Variants in ACIN1 observed in about 807,000 individuals in gnomAD.
The protein encoded by ACIN1 is apoptotic chromatin condensation inducer 1, also known as apoptotic chromatin condensation inducer in the nucleus.
A neutral mutation model predicts 146.6 loss-of-function variants in ACIN1; 16 were observed. The ratio of observed to expected loss-of-function variants is 0.11; its 90% CI spans 0.07 to 0.17. The LOEUF is 0.17. Among genes scored for constraint, ACIN1 ranks in the 10% least tolerant of loss-of-function variants. The probability of loss-of-function intolerance (pLI) is 1.00; values close to 1 mark genes in which losing one functional copy is unlikely to be tolerated. For missense variants in ACIN1, 1,357 were observed against 1,609.3 expected, an observed-to-expected ratio of 0.84 and a Z score of 2.68; for synonymous variants, 569 against 582.7, an observed-to-expected ratio of 0.98 and a Z score of 0.34.
At chr14:23,071,212 CA>C in intron 8 of ACIN1, 1 of 1,513,650 alleles carries the variant, frequency 6.6e-7, no homozygotes. Context: ...TAACAAAAAC[CA>C]AACAAAAAAA....
intron 4 of ACIN1, among the ~76,000 whole-genome samples, chr14:23,089,327 T>C (rs372046477): frequency 7.9e-5 from 12 of 152,362 alleles, no homozygotes; most frequent in East Asian, 5.8e-4. Flanking sequence ...GTGCTGGGAT[T>C]AGAGGCGTGA....
At chr14:23,085,198 G>T (rs986928514) in intron 4 of ACIN1, among the ~76,000 whole-genome samples, 4 of 152,098 alleles carry the variant, frequency 2.6e-5, no homozygotes, top group Admixed American at 2.0e-4. Context: ...AGTCGGGTGT[G>T]GGGGCGGGTG....
At chr14:23,065,295 C>T (rs1313477361) in intron 10 of ACIN1, among the ~76,000 whole-genome samples, 4 of 152,130 alleles carry the variant, frequency 2.6e-5, no homozygotes, top group Non-Finnish European at 4.4e-5. Flanking sequence ...CTTAGAATAA[C>T]GCATAAACAA....
At position 23,079,076 on chromosome 14, in the gene ACIN1, G is replaced by T. The variant is rs146896987; in HGVS notation, c.1789-38C>A. 2.2e-4 allele frequency: 353 copies of T among 1,573,494 alleles called. No individual in the cohort carries two copies. In the African/African-American group the frequency reaches 3.8e-3, roughly 17 times the overall value. ...GAAACACATAACAAGGAAAATTATTGTATATGGTATATATTCAGTAGATTG... is the reference window on the plus strand; with the variant it reads ...GAAACACATAACAAGGAAAATTATTTTATATGGTATATATTCAGTAGATTG... On this transcript the variant is annotated intron_variant, in intron 6 of 18. Transcript: ENST00000605057.
chr14:23,081,594 C>T (rs1289455474), intron 5 of ACIN1, among the ~76,000 whole-genome samples, 154 bp downstream of exon 5: 1 of 152,092 alleles, frequency 6.6e-6, no homozygotes, highest in Non-Finnish European at 1.5e-5. Flanking sequence ...TGTGCCACTG[C>T]ACTCCAGCCT....
At position 23,059,055 on chromosome 14, in the gene ACIN1, G is replaced by A. The variant is rs1594732489; in HGVS notation, c.*93C>T. Reference sequence around the variant, plus strand: ...GGGATAGGTGATGTGAAAGACCCTTGGCTCCAGGGTGGTGGAGACTGTGCC... The same window carrying A: ...GGGATAGGTGATGTGAAAGACCCTTAGCTCCAGGGTGGTGGAGACTGTGCC... On this transcript the variant is annotated 3_prime_UTR_variant, in exon 19 of 19. Transcript: ENST00000605057. 3.2e-6 allele frequency: 4 copies of A among 1,234,184 alleles called. No individual in the cohort carries two copies. Among genetic ancestry groups the A allele is most frequent in the African/African-American group, 3.0e-5 (2 of 66,720 alleles). The allele number at this position is 1,234,184 out of a possible 1,614,324, so 76.5% of individuals were successfully genotyped here.
rs775161627 is a variant in ACIN1, at chr14:23,079,995, T to A, written c.1340A>T (p.Gln447Leu). 6.2e-7 allele frequency: 1 copy of A among 1,614,178 alleles called. No individual in the cohort carries two copies. Among genetic ancestry groups the A allele is most frequent in the East Asian group, 2.2e-5 (1 of 44,882 alleles). Residue 447 changes from glutamine to leucine, a missense_variant, in exon 6 of 19, where the codon CAG becomes CTG. Transcript: ENST00000605057. Reference sequence around the variant, plus strand: ...TGAGTAGTCAGCCAGTGTGCTTTTCTGAACCAGAGGCAGGACACTCTCCTC... The same window carrying A: ...TGAGTAGTCAGCCAGTGTGCTTTTCAGAACCAGAGGCAGGACACTCTCCTC... ...VPEESVLPLV[Q>L]KSTLADYSAQ...
intron 5 of ACIN1, 144 bp downstream of exon 5, chr14:23,081,604 T>C: frequency 1.5e-6 from 1 of 664,552 alleles, no homozygotes; most frequent in South Asian, 2.0e-5. Flanking sequence ...CACTCCAGCC[T>C]AGGCGACAGA....
rs552783149 is a variant in ACIN1, at chr14:23,084,243, G to T, written c.437-2407C>A. Reference sequence around the variant, plus strand: ...ATTACAGGTGTAAGCCACCATGCCCGGCCTTCTCTATTTCTATATCCTTAC... The same window carrying T: ...ATTACAGGTGTAAGCCACCATGCCCTGCCTTCTCTATTTCTATATCCTTAC... On this transcript the variant is annotated intron_variant, in intron 4 of 18. Coordinates refer to ENST00000605057, the MANE Select transcript of ACIN1 (RefSeq NM_001386863.1). Among the ~76,000 whole-genome samples the T allele has an allele frequency of 2.0e-5, 3 of 152,160 alleles. No homozygotes were observed. The South Asian group carries it at 6.2e-4, about 32-fold the overall frequency.
In ACIN1 at chr14:23,079,089, A is replaced by G. The variant is rs781455510; in HGVS notation, c.1789-51T>C. ...AGGAAAATTATTGTATATGGTATATATTCAGTAGATTGCTGAGTTTTCCAG... is the reference window on the plus strand; with the variant it reads ...AGGAAAATTATTGTATATGGTATATGTTCAGTAGATTGCTGAGTTTTCCAG... On this transcript the variant is annotated intron_variant, in intron 6 of 18. Transcript: ENST00000605057. 15 of 1,519,902 alleles carry G rather than the reference A, an allele frequency of 9.9e-6. No individual in the cohort carries two copies. The South Asian group carries it at 1.6e-4, about 16-fold the overall frequency. The allele number at this position is 1,519,902 out of a possible 1,614,324, so 94.2% of individuals were successfully genotyped here. A position where few individuals can be genotyped will look rare whatever the true frequency, so the allele number is the denominator to read the frequency against.
intron 9 of ACIN1, 142 bp downstream of exon 9, chr14:23,069,334 C>CT: frequency 7.2e-7 from 1 of 1,392,980 alleles, no homozygotes; most frequent in Non-Finnish European, 9.3e-7. Flanking sequence ...CGAATTCTCC[C>CT]TTGGCCCTAT....
chr14:23,078,154 G>C lies in ACIN1; in HGVS notation c.2120C>G (p.Thr707Ser). ...CCGGTCGAGATATATCACTTACACA[G>C]TGTGATGAATTCTTTCTGATTCTGG... ...HLPESERIHH[T>S]VEEKEEVTMD... is the part of the protein sequence containing the mutation. Residue 707 changes from threonine (T) to serine (S), a missense_variant, in exon 8 of 19, where the codon ACT (threonine) becomes AGT (serine). Transcript: ENST00000605057. 2 of 1,613,974 alleles carry C rather than the reference G, an allele frequency of 1.2e-6. No individual in the cohort carries two copies. Among genetic ancestry groups the C allele is most frequent in the East Asian group, 2.2e-5 (1 of 44,886 alleles).
chr14:23,079,060 A>C, intron 6 of ACIN1, 22 bp from the exon 7 acceptor site: 1 of 1,603,838 alleles, frequency 6.2e-7, no homozygotes, highest in Non-Finnish European at 8.5e-7. Context: ...TGAAACACAT[A>C]ACAAGGAAAA....
chr14:23,063,859 A>G (rs956060324), intron 12 of ACIN1, among the ~76,000 whole-genome samples: 1 of 152,218 alleles, frequency 6.6e-6, no homozygotes, highest in Admixed American at 6.5e-5. Context: ...AACTCTGGTG[A>G]TGTTGTAGTG....
At chr14:23,088,784 T>C (rs1294281117) in intron 4 of ACIN1, among the ~76,000 whole-genome samples, 2 of 152,224 alleles carry the variant, frequency 1.3e-5, no homozygotes, top group Non-Finnish European at 2.9e-5. Flanking sequence ...TTTTAGATTT[T>C]GGATTTTTGA....
At chr14:23,063,371 T>C in intron 13 of ACIN1, 65 bp downstream of exon 13, 2 of 1,564,374 alleles carry the variant, frequency 1.3e-6, no homozygotes, top group Non-Finnish European at 1.7e-6. Flanking sequence ...CTTTCAGCGA[T>C]CCAAATGAGG....
Position 23,094,955 on chromosome 14 carries a change from C to T in ACIN1, c.138+20G>A, listed in dbSNP as rs767714143. The T allele has an allele frequency of 1.3e-6, 2 of 1,573,020 alleles. No individual in the cohort carries two copies. The highest frequency in any genetic ancestry group is 2.7e-5 in the African/African-American group (2 of 74,516). ...CCGGGTCCGCTCTCCTCCGACACCC[C>T]AGCAACGCCGACTCCTCACCCCTTT... On this transcript the variant is annotated intron_variant, in intron 1 of 18. Coordinates refer to ENST00000605057, the MANE Select transcript of ACIN1 (RefSeq NM_001386863.1).
Position 23,061,138 on chromosome 14 carries a change from G to A in ACIN1, c.3471C>T (p.Phe1157=). 1 of 1,614,100 alleles carries A rather than the reference G, an allele frequency of 6.2e-7. No individual in the cohort carries two copies. Among genetic ancestry groups the A allele is most frequent in the Non-Finnish European group, 8.5e-7 (1 of 1,180,008 alleles). The stretch of plus-strand genomic sequence containing the variant: ...TGCAGGGAGCTGCCTTGGTCTTTCG[G>A]AAAAGGTCATCCAGCAGCTTGGCAG... ...EPPAKLLDDL[F]RKTKAAPCIY... is the part of the protein sequence containing the mutation. The change falls in exon 18 of 19, where the codon TTC becomes TTT. Residue 1157 remains phenylalanine (F), a synonymous_variant. Coordinates refer to ENST00000605057, the MANE Select transcript of ACIN1 (RefSeq NM_001386863.1).
rs200982906 is a variant in ACIN1 at position 23,065,505 on chromosome 14, T to TG, written c.2308+460dup. Among the ~76,000 whole-genome samples the TG allele has an allele frequency of 9.1e-3, 1,391 of 152,264 alleles. 26 individuals are homozygous for TG. The highest frequency in any genetic ancestry group is 0.032 in the African/African-American group (1,338 of 41,550). On this transcript the variant is annotated intron_variant, in intron 10 of 18. Transcript: ENST00000605057. ...GGAGGCGGAGGAGGATTGCTTGAAC[T>TG]GGGACCCGGAGGCGGAGGTTGCAGT...
Sources: allele counts gnomAD v4.1 joint callset (sites outside exome capture counted in the v4.1 genomes callset), GRCh38; gene constraint gnomAD v4.1.1; transcripts MANE v1.5; gene names NCBI Gene and HGNC (gene_info 2026-07-23, HGNC 2026-07-21).